Variants in ACSS3 observed in about 807,000 individuals in gnomAD.
ACSS3 encodes acyl-CoA synthetase short-chain family member 3, mitochondrial.
A neutral mutation model predicts 84.2 loss-of-function variants in ACSS3; 64 were observed. The ratio of observed to expected loss-of-function variants is 0.76; its 90% CI spans 0.62 to 0.94. ACSS3 has a LOEUF of 0.94. ACSS3 is among the 40% of genes least tolerant of loss of function. The probability of loss-of-function intolerance (pLI) is 0.00; values close to 1 mark genes in which losing one functional copy is unlikely to be tolerated. For synonymous variants in ACSS3, 317 were observed against 310.1 expected, an observed-to-expected ratio of 1.02 and a Z score of -0.23; for missense variants, 815 against 867.6, an observed-to-expected ratio of 0.94 and a Z score of 0.76.
At chr12:81,224,552 A>C (rs2033207055) in intron 11 of ACSS3, among the ~76,000 whole-genome samples, 1 of 121,684 alleles carries the variant, frequency 8.2e-6, no homozygotes, top group African/African-American at 3.1e-5. Context: ...ACATACATAC[A>C]TATATATATA....
At chr12:81,128,913 C>G (rs918823893) in intron 2 of ACSS3, among the ~76,000 whole-genome samples, 1 of 152,114 alleles carries the variant, frequency 6.6e-6, no homozygotes, top group African/African-American at 2.4e-5. Flanking sequence ...CATATGTTTT[C>G]CCATGCATAT....
At chr12:81,242,541 C>T (rs1269985195) in intron 13 of ACSS3, among the ~76,000 whole-genome samples, 2 of 150,656 alleles carry the variant, frequency 1.3e-5, no homozygotes, top group Non-Finnish European at 3.0e-5. Flanking sequence ...CAAAGCTGGG[C>T]AGAGACACAA....
intron 9 of ACSS3, among the ~76,000 whole-genome samples, chr12:81,208,175 A>G (rs905003299): frequency 1.3e-5 from 2 of 152,128 alleles, no homozygotes. Flanking sequence ...GCCCATCGTG[A>G]TGCTGTGATT....
intron 8 of ACSS3, 30 bp from the exon 9 acceptor site, chr12:81,199,311 A>C (rs890799581): frequency 1.5e-5 from 23 of 1,556,660 alleles, no homozygotes; most frequent in Non-Finnish European, 1.9e-5. Flanking sequence ...ATTTTCCAGG[A>C]ATAATTTGAA....
chr12:81,207,918 A>T (rs2032418107), intron 9 of ACSS3, among the ~76,000 whole-genome samples: 2 of 152,138 alleles, frequency 1.3e-5, no homozygotes, highest in Admixed American at 6.6e-5. Context: ...GTAGGATAAG[A>T]CCAGTGTCTC....
chr12:81,223,239 C>A (rs150550704), intron 11 of ACSS3, among the ~76,000 whole-genome samples: 50 of 152,052 alleles, frequency 3.3e-4, no homozygotes, highest in African/African-American at 1.2e-3. Context: ...GCCTGTTCAC[C>A]CTGTGCTGTG....
chr12:81,171,444 A>T (rs1423961357), intron 7 of ACSS3, among the ~76,000 whole-genome samples: 1 of 152,130 alleles, frequency 6.6e-6, no homozygotes, highest in Non-Finnish European at 1.5e-5. Context: ...TATTAAGTTA[A>T]TTTTAAATAG....
chr12:81,162,979 A>G (rs1431671699), intron 7 of ACSS3, among the ~76,000 whole-genome samples: 2 of 152,068 alleles, frequency 1.3e-5, no homozygotes, highest in African/African-American at 2.4e-5. Flanking sequence ...GTGTGGGGAC[A>G]GGGGCTTCCT....
rs756489326 is a variant in ACSS3 at position 81,248,970 on chromosome 12, G to T, written c.1720-4337G>T. Among the ~76,000 whole-genome samples the T allele has an allele frequency of 4.0e-5, 6 of 151,796 alleles. No individual in the cohort carries two copies. The South Asian group carries it at 1.0e-3, about 26-fold the overall frequency. On this transcript the variant is annotated intron_variant, in intron 13 of 15. Transcript: ENST00000548058. ...TTCAGGGAACTCTATTTTCTTTTCT[G>T]TTCTCATCATAAGAAAATGGAGCTC... is the stretch of plus-strand genomic sequence containing the variant.
chr12:81,123,172 C>T (rs183107952), intron 2 of ACSS3, among the ~76,000 whole-genome samples: 67 of 152,120 alleles, frequency 4.4e-4, no homozygotes, highest in African/African-American at 1.5e-3. Context: ...AATTAAATAT[C>T]TCTTGAGGTG....
chr12:81,215,355 T>C (rs1457580530), intron 9 of ACSS3, among the ~76,000 whole-genome samples: 1 of 152,214 alleles, frequency 6.6e-6, no homozygotes, highest in Non-Finnish European at 1.5e-5. Flanking sequence ...GCTTAGCATC[T>C]TGAGCACTAA....
At chr12:81,149,589 A>G (rs990252479) in intron 5 of ACSS3, among the ~76,000 whole-genome samples, 9 of 152,220 alleles carry the variant, frequency 5.9e-5, no homozygotes, top group African/African-American at 2.2e-4. Flanking sequence ...CAAATTGCAG[A>G]TCTAGAGTCT....
chr12:81,167,291 A>G (rs2135799674), intron 7 of ACSS3, among the ~76,000 whole-genome samples: 1 of 152,218 alleles, frequency 6.6e-6, no homozygotes, highest in East Asian at 1.9e-4. Context: ...CAAATTGTCA[A>G]CTCTCAGAGC....
At chr12:81,091,468 C>T (rs1019279649) in intron 1 of ACSS3, among the ~76,000 whole-genome samples, 13 of 151,882 alleles carry the variant, frequency 8.6e-5, no homozygotes, top group Non-Finnish European at 1.6e-4. Context: ...GTCTTGACTG[C>T]TCAAGATCTC....
At chr12:81,165,874 A>G (rs963520424) in intron 7 of ACSS3, among the ~76,000 whole-genome samples, 6 of 152,190 alleles carry the variant, frequency 3.9e-5, no homozygotes, top group Non-Finnish European at 7.3e-5. Context: ...TGTGAATGAG[A>G]CAATAACAAT....
At chr12:81,096,759 T>C (rs969343659) in intron 1 of ACSS3, among the ~76,000 whole-genome samples, 2 of 152,148 alleles carry the variant, frequency 1.3e-5, no homozygotes, top group East Asian at 3.9e-4. Context: ...CTGAGAATGA[T>C]GGTTTCCAGC....
intron 7 of ACSS3, among the ~76,000 whole-genome samples, chr12:81,166,704 A>G (rs1262716026): frequency 6.6e-6 from 1 of 152,198 alleles, no homozygotes; most frequent in Non-Finnish European, 1.5e-5. Context: ...GCAATTTCAC[A>G]GGAAAGTTTG....
At chr12:81,210,496 ATAAG>A (rs1469358565) in intron 9 of ACSS3, among the ~76,000 whole-genome samples, 2 of 150,966 alleles carry the variant, frequency 1.3e-5, no homozygotes, top group African/African-American at 4.9e-5. Flanking sequence ...GTATAGCAAA[ATAAG>A]TAAAAACTAT....
intron 1 of ACSS3, among the ~76,000 whole-genome samples, chr12:81,106,008 G>T (rs1435781177): frequency 3.9e-5 from 6 of 152,174 alleles, no homozygotes; most frequent in African/African-American, 1.4e-4. Flanking sequence ...TACAGCTGGA[G>T]TTGTAAAGTT....
Sources: allele counts gnomAD v4.1 joint callset (sites outside exome capture counted in the v4.1 genomes callset), GRCh38; gene constraint gnomAD v4.1.1; transcripts MANE v1.5; gene names NCBI Gene and HGNC (gene_info 2026-07-23, HGNC 2026-07-21).